The following ANKDD1A variants were observed in gnomAD, a reference collection of about 807,000 sequenced individuals.
ANKDD1A encodes ankyrin repeat and death domain containing 1A.
A neutral mutation model predicts 63.5 loss-of-function variants in ANKDD1A; 59 were observed. That is an observed-to-expected ratio of 0.93 (90% CI 0.75 to 1.15). ANKDD1A has a LOEUF of 1.15. Ranked by LOEUF, ANKDD1A falls within the 50% of genes most tolerant of loss-of-function variation. The pLI is 0.00. For missense variants in ANKDD1A, 632 were observed against 656.4 expected (o/e 0.96, Z 0.41); for synonymous variants, 266 against 263.9 (o/e 1.01, Z -0.08).
Position 64,947,386 on chromosome 15 carries a change from T to C in ANKDD1A, c.1162-18T>C. The stretch of plus-strand genomic sequence containing the variant: ...ATCATGAGGGAGAGCTTCTGCACTT[T>C]TGGGATCTGCCCCACAGGACCACCC... On this transcript the variant is annotated intron_variant, in intron 12 of 14. Coordinates refer to ENST00000319580, the MANE Select transcript of ANKDD1A (RefSeq NM_182703.6). The C allele has an allele frequency of 6.2e-7, 1 of 1,605,728 alleles. No homozygotes were observed.
chr15:64,916,023 G>A, intron 2 of ANKDD1A, 123 bp downstream of exon 2: 3 of 945,178 alleles, frequency 3.2e-6, no homozygotes, highest in East Asian at 2.8e-5. Context: ...CTTGGAGGGA[G>A]GCTCGGGCTC....
intron 3 of ANKDD1A, among the ~76,000 whole-genome samples, chr15:64,919,615 G>A (rs913791159): frequency 3.3e-5 from 5 of 152,100 alleles, no homozygotes; most frequent in Admixed American, 6.5e-5. Flanking sequence ...AGCTTTTGGC[G>A]TTCTCTTGAA....
intron 14 of ANKDD1A, among the ~76,000 whole-genome samples, chr15:64,952,553 TC>T (rs2085311964): frequency 2.2e-5 from 3 of 139,468 alleles, no homozygotes; most frequent in Non-Finnish European, 3.2e-5. Flanking sequence ...TCCTCCTCCT[TC>T]CTTCTCCTTC....
chr15:64,947,070 GAA>G (rs1196584128), intron 12 of ANKDD1A, among the ~76,000 whole-genome samples: 1 of 152,160 alleles, frequency 6.6e-6, no homozygotes, highest in African/African-American at 2.4e-5. Context: ...AAGAACACAG[GAA>G]AGAGAGGCAG....
chr15:64,945,607 C>CTTATATAT (rs1277861527), intron 12 of ANKDD1A, among the ~76,000 whole-genome samples: 997 of 73,854 alleles, frequency 0.013, 37 homozygotes, highest in South Asian at 0.027. Flanking sequence ...GCATTTTCAA[C>CTTATATAT]ATATATATAT....
chr15:64,927,896 C>T (rs1021774486), intron 6 of ANKDD1A, among the ~76,000 whole-genome samples: 7 of 152,172 alleles, frequency 4.6e-5, no homozygotes, highest in African/African-American at 1.2e-4. Flanking sequence ...TAAGCCATCG[C>T]GCCCGGCCTG....
chr15:64,934,217 G>T lies in ANKDD1A; in HGVS notation c.850G>T (p.Ala284Ser), dbSNP rs756222100. The T allele has an allele frequency of 1.7e-5, 27 of 1,611,606 alleles. No individual in the cohort carries two copies. The highest frequency in any genetic ancestry group is 2.1e-5 in the Non-Finnish European group (25 of 1,178,882). ...SRVLIHAGGC[A>S]NVVDHQGASP... is the part of the protein sequence containing the mutation. ...GGTCCTCATCCACGCAGGAGGCTGCGCCAACGTGGTTGATCATGTAAGTAT... is the reference window on the plus strand; with the variant it reads ...GGTCCTCATCCACGCAGGAGGCTGCTCCAACGTGGTTGATCATGTAAGTAT... The change falls in exon 9 of 15, where the codon GCC becomes TCC. Residue 284 changes from alanine to serine, a missense_variant. By Grantham distance (99) the Ala-to-Ser change is moderately conservative. Transcript: ENST00000319580.
chr15:64,954,172 TTTC>T lies in ANKDD1A; in HGVS notation c.1484-2920_1484-2918del, dbSNP rs1374024955. On this transcript the variant is annotated intron_variant, in intron 14 of 14. Transcript: ENST00000319580. The stretch of plus-strand genomic sequence containing the variant: ...TTCCTTATTATTCTTTCTTCTTTCT[TTTC>T]TTCTTCTTCTCCTTCTTTCTTGTTC... 9.2e-4 allele frequency among the ~76,000 whole-genome samples: 133 copies of T among 144,932 alleles called. 1 individual carries two copies. The highest frequency in any genetic ancestry group is 3.9e-3 in the Middle Eastern group (1 of 254).
rs528986828 is a variant in ANKDD1A at position 64,926,071 on chromosome 15, C to T, written c.372C>T (p.Gly124=). Residue 124 remains glycine, a synonymous_variant, in exon 5 of 15, where the codon GGC becomes GGT. Coordinates refer to ENST00000319580, the MANE Select transcript of ANKDD1A (RefSeq NM_182703.6). ...GAKIHCESKD[G]LTLLHCAAQK... is the part of the protein sequence containing the mutation. ...CCTCCTGCACTTGTTTCCAGGATGG[C>T]CTGACCTTACTGCACTGCGCAGCCC... 5.0e-6 allele frequency: 8 copies of T among 1,613,028 alleles called. No individual in the cohort carries two copies. The East Asian group carries it at 1.3e-4, about 27-fold the overall frequency.
chr15:64,942,659 A>T, intron 10 of ANKDD1A, 94 bp downstream of exon 10: 10 of 746,102 alleles, frequency 1.3e-5, no homozygotes, highest in Non-Finnish European at 2.0e-5. Flanking sequence ...CATGGCCCAG[A>T]GTTGAGGAAT....
At chr15:64,934,666 A>ATTTTTTTTTTTTTT (rs557531003) in intron 9 of ANKDD1A, among the ~76,000 whole-genome samples, 1 of 119,886 alleles carries the variant, frequency 8.3e-6, no homozygotes, top group Non-Finnish European at 1.7e-5. Context: ...TGCCCAGCTA[A>ATTTTTTTTTTTTTT]TTTTTTTTTT....
chr15:64,917,393 G>A lies in ANKDD1A; in HGVS notation c.146G>A (p.Arg49Lys). The change falls in exon 3 of 15, where the codon AGG (arginine) becomes AAG (lysine). Residue 49 changes from arginine (R) to lysine (K), a missense_variant. Transcript: ENST00000319580. ...VNTRARNHVG[R>K]VALHWAAGAG... is the part of the protein sequence containing the mutation. ...TCATCTCCCTCCGGGCAGGTGGGCAGGGTGGCCCTGCACTGGGCTGCAGGT... is the reference window on the plus strand; with the variant it reads ...TCATCTCCCTCCGGGCAGGTGGGCAAGGTGGCCCTGCACTGGGCTGCAGGT... 1.9e-6 allele frequency: 3 copies of A among 1,607,444 alleles called. No individual in the cohort carries two copies. Among genetic ancestry groups the A allele is most frequent in the Non-Finnish European group, 2.5e-6 (3 of 1,176,950 alleles).
chr15:64,936,915 G>T (rs563276602), intron 9 of ANKDD1A, among the ~76,000 whole-genome samples: 21 of 152,114 alleles, frequency 1.4e-4, no homozygotes, highest in Non-Finnish European at 2.2e-4. Flanking sequence ...GAGAAAAATG[G>T]CCAAAGGTTA....
At chr15:64,931,846 A>G in intron 8 of ANKDD1A, 3 of 588,814 alleles carry the variant, frequency 5.1e-6, no homozygotes, top group Non-Finnish European at 9.1e-6. Flanking sequence ...TACCTAACAC[A>G]GTGCCCAGGA....
intron 9 of ANKDD1A, among the ~76,000 whole-genome samples, chr15:64,941,072 C>A (rs1242648175): frequency 6.6e-6 from 1 of 152,100 alleles, no homozygotes; most frequent in African/African-American, 2.4e-5. Flanking sequence ...TCTTTTATAT[C>A]CCTCAGTGAT....
intron 13 of ANKDD1A, 40 bp downstream of exon 13, chr15:64,947,633 C>A: frequency 6.3e-7 from 1 of 1,597,516 alleles, no homozygotes; most frequent in Non-Finnish European, 8.5e-7. Context: ...AACCATTGGG[C>A]GGAGGGGTGG....
intron 14 of ANKDD1A, among the ~76,000 whole-genome samples, chr15:64,953,853 CCTCTTCTTCCTCT>C: frequency 9.1e-5 from 1 of 10,948 alleles, no homozygotes; most frequent in African/African-American, 1.5e-4. Context: ...TTTCTTCTTT[CCTCTTCTTCCTCT>C]TTCTTCTTCA....
At chr15:64,915,716 G>A in intron 1 of ANKDD1A, 81 bp from the exon 2 acceptor site, 1 of 1,223,630 alleles carries the variant, frequency 8.2e-7, no homozygotes, top group East Asian at 2.4e-5. Flanking sequence ...ATGTTCAGGA[G>A]TGGAAATGGG....
At chr15:64,939,444 G>C (rs1055855244) in intron 9 of ANKDD1A, among the ~76,000 whole-genome samples, 13 of 152,110 alleles carry the variant, frequency 8.5e-5, no homozygotes, top group African/African-American at 2.9e-4. Context: ...AAGCGAGACT[G>C]TCTCTACAAA....
Sources: allele counts gnomAD v4.1 joint callset (sites outside exome capture counted in the v4.1 genomes callset), GRCh38; gene constraint gnomAD v4.1.1; transcripts MANE v1.5; gene names NCBI Gene and HGNC (gene_info 2026-07-23, HGNC 2026-07-21).